NETO1: variants seen among roughly 807,000 people sequenced by gnomAD.
NETO1 encodes the protein neuropilin and tolloid-like protein 1.
A neutral mutation model predicts 61.3 loss-of-function variants in NETO1; 26 were observed. The observed-to-expected ratio is 0.42, with a 90% CI of 0.31 to 0.59. The LOEUF is 0.59. Ranked by LOEUF, NETO1 falls within the 20% of genes least tolerant of loss-of-function variation. NETO1 has a pLI of 0.12. For synonymous variants in NETO1, 225 were observed against 225.8 expected (o/e 1.00, Z 0.03); for missense variants, 531 against 662.8 (o/e 0.80, Z 2.18).
At chr18:72,749,584 A>C (rs2070523820) in intron 9 of NETO1, among the ~76,000 whole-genome samples, 1 of 152,134 alleles carries the variant, frequency 6.6e-6, no homozygotes, top group Non-Finnish European at 1.5e-5. Flanking sequence ...GTTCCTACCA[A>C]AAATAAATAC....
At position 72,745,572 on chromosome 18, in the gene NETO1, A is replaced by C. The variant is rs2070413128; in HGVS notation, c.*2607T>G. 6.6e-6 allele frequency: 1 copy of C among 152,342 alleles called. No homozygotes were observed. The highest frequency in any genetic ancestry group is 1.5e-5 in the Non-Finnish European group (1 of 68,024). 9.4% of individuals were successfully genotyped at this position (152,342 alleles called of 1,614,324 possible). ...ATTTATTAAAATAACATGTCTTATA[A>C]GTCTTGAGACATCTCATTCCTTATC... is the stretch of plus-strand genomic sequence containing the variant. On this transcript the variant is annotated 3_prime_UTR_variant, in exon 11 of 11. Coordinates refer to ENST00000327305, the MANE Select transcript of NETO1 (RefSeq NM_138966.5).
Position 72,864,791 on chromosome 18 carries a change from G to A in NETO1, c.220+17C>T. ...TTGGCTTAGTGCTTTCTTAACTCTGGCACTGTCTCCCCTTACCTTCTATGA... is the reference window on the plus strand; with the variant it reads ...TTGGCTTAGTGCTTTCTTAACTCTGACACTGTCTCCCCTTACCTTCTATGA... On this transcript the variant is annotated intron_variant, in intron 3 of 10. Transcript: ENST00000327305. The A allele has an allele frequency of 6.2e-7, 1 of 1,613,682 alleles. No individual in the cohort carries two copies. The highest frequency in any genetic ancestry group is 8.5e-7 in the Non-Finnish European group (1 of 1,179,892).
At chr18:72,782,115 C>T (rs918065617) in intron 7 of NETO1, among the ~76,000 whole-genome samples, 4 of 152,130 alleles carry the variant, frequency 2.6e-5, no homozygotes, top group Non-Finnish European at 4.4e-5. Context: ...TTTTCTGTTA[C>T]TATATTAGAC....
At chr18:72,848,757 A>C (rs2074164161) in intron 4 of NETO1, among the ~76,000 whole-genome samples, 1 of 152,166 alleles carries the variant, frequency 6.6e-6, no homozygotes, top group Admixed American at 6.5e-5. Flanking sequence ...ACAGTAGCAC[A>C]CCTGCAGCTG....
chr18:72,799,590 T>G (rs2072437783), intron 4 of NETO1, among the ~76,000 whole-genome samples: 1 of 152,234 alleles, frequency 6.6e-6, no homozygotes, highest in South Asian at 2.1e-4. Flanking sequence ...CATACAGAAA[T>G]GCTGTGCTGG....
chr18:72,812,316 A>C (rs2072895174), intron 4 of NETO1, among the ~76,000 whole-genome samples: 1 of 152,246 alleles, frequency 6.6e-6, no homozygotes, highest in South Asian at 2.1e-4. Flanking sequence ...CCTCCAAAAG[A>C]GGCAGCAGCT....
downstream of NETO1, chr18:72,742,459 A>G (rs777237707): frequency 3.3e-5 from 5 of 152,242 alleles, no homozygotes; most frequent in Non-Finnish European, 5.9e-5. Context: ...ATTTATTTTT[A>G]TAATGCATTA....
chr18:72,848,372 G>A (rs1392372115), intron 4 of NETO1, among the ~76,000 whole-genome samples: 9 of 151,910 alleles, frequency 5.9e-5, no homozygotes, highest in Admixed American at 5.9e-4. Context: ...CAGCTCAAAA[G>A]TCCCACATCA....
In NETO1 at chr18:72,755,550, C is replaced by T. The variant is rs1404741025; in HGVS notation, c.982+484G>A. The stretch of plus-strand genomic sequence containing the variant: ...GCAAGGGCTTTGGGAGCTATGTTCC[C>T]GGGAAAGGAAGAAAAGCATTTTCGT... On this transcript the variant is annotated intron_variant, in intron 8 of 10. Transcript: ENST00000327305. Among the ~76,000 whole-genome samples, 7 of 152,050 alleles carry T rather than the reference C, an allele frequency of 4.6e-5. 1 individual carries two copies. The highest frequency in any genetic ancestry group is 2.6e-4 in the Admixed American group (4 of 15,252).
At chr18:72,798,588 C>T in intron 4 of NETO1, among the ~76,000 whole-genome samples, 1 of 152,112 alleles carries the variant, frequency 6.6e-6, no homozygotes, top group East Asian at 1.9e-4. Flanking sequence ...TTTTAGTCCG[C>T]ATGTGACACA....
chr18:72,755,153 C>A (rs190888589), intron 8 of NETO1, among the ~76,000 whole-genome samples: 1 of 152,102 alleles, frequency 6.6e-6, no homozygotes, highest in Admixed American at 6.5e-5. Flanking sequence ...CAGTGGTGAC[C>A]ACGAATTATT....
intron 4 of NETO1, among the ~76,000 whole-genome samples, chr18:72,855,800 G>T (rs962166099): frequency 6.6e-6 from 1 of 152,192 alleles, no homozygotes; most frequent in African/African-American, 2.4e-5. Flanking sequence ...TGGCTGTGTG[G>T]GGGCTAAACC....
At chr18:72,864,513 C>A (rs1177080862) in intron 3 of NETO1, among the ~76,000 whole-genome samples, 1 of 152,196 alleles carries the variant, frequency 6.6e-6, no homozygotes, top group African/African-American at 2.4e-5. Context: ...GCCAACTATG[C>A]GTCCATTCTA....
At chr18:72,813,090 TGA>T (rs761131111) in intron 4 of NETO1, among the ~76,000 whole-genome samples, 17 of 152,138 alleles carry the variant, frequency 1.1e-4, no homozygotes, top group Non-Finnish European at 2.4e-4. Flanking sequence ...GAGCTGAATG[TGA>T]GACTGTCCAG....
chr18:72,843,422 A>G (rs1205954165), intron 4 of NETO1, among the ~76,000 whole-genome samples: 1 of 152,212 alleles, frequency 6.6e-6, no homozygotes, highest in Non-Finnish European at 1.5e-5. Context: ...ATCTTGCAGG[A>G]CATCTGAAAT....
rs560380043 is a variant in NETO1 at position 72,811,051 on chromosome 18, T to C, written c.470-16647A>G. 2.0e-4 allele frequency among the ~76,000 whole-genome samples: 30 copies of C among 152,330 alleles called. No individual in the cohort carries two copies. In the East Asian group the frequency reaches 4.4e-3, roughly 23 times the overall value. On this transcript the variant is annotated intron_variant, in intron 4 of 10. Transcript: ENST00000327305. Reference sequence around the variant, plus strand: ...ATACCAAGAGCTTGCAATTATTCTTTGTAAAATCTCTACTACCTCCTTCCC... The same window carrying C: ...ATACCAAGAGCTTGCAATTATTCTTCGTAAAATCTCTACTACCTCCTTCCC...
chr18:72,783,003 T>C (rs2071795638), intron 7 of NETO1, among the ~76,000 whole-genome samples: 1 of 152,194 alleles, frequency 6.6e-6, no homozygotes, highest in Non-Finnish European at 1.5e-5. Context: ...TTCTTAAATT[T>C]CTCAGAATCC....
chr18:72,830,948 C>G lies in NETO1; in HGVS notation c.469+27878G>C, dbSNP rs1568236485. Among the ~76,000 whole-genome samples the G allele has an allele frequency of 6.6e-6, 1 of 152,158 alleles. No individual in the cohort carries two copies. The highest frequency in any genetic ancestry group is 6.5e-5 in the Admixed American group (1 of 15,268). On this transcript the variant is annotated intron_variant, in intron 4 of 10. Transcript: ENST00000327305. This position sits in a 1 kb window ranked among gnomAD's most constrained non-coding sequence, Gnocchi z 4.9. Reference sequence around the variant, plus strand: ...TTGATAGGGTTGTCAATTATGCCTTCTGACTGCAAAATCTTCTTGATGAGG... The same window carrying G: ...TTGATAGGGTTGTCAATTATGCCTTGTGACTGCAAAATCTTCTTGATGAGG...
downstream of NETO1, among the ~76,000 whole-genome samples, chr18:72,742,983 C>G (rs1395392176): frequency 6.6e-6 from 1 of 152,172 alleles, no homozygotes; most frequent in African/African-American, 2.4e-5. Context: ...GCCCGTTACT[C>G]TTTCTCATGT....
Sources: allele counts gnomAD v4.1 joint callset (sites outside exome capture counted in the v4.1 genomes callset), GRCh38; gene constraint gnomAD v4.1.1; non-coding constraint Gnocchi (gnomAD v3.1); transcripts MANE v1.5; gene names NCBI Gene and HGNC (gene_info 2026-07-23, HGNC 2026-07-21).